The following SRC variants were observed in gnomAD, a reference collection of about 807,000 sequenced individuals.
The protein encoded by SRC is SRC proto-oncogene, non-receptor tyrosine kinase.
A neutral mutation model predicts 62.9 loss-of-function variants in SRC; 13 were observed. The ratio of observed to expected loss-of-function variants is 0.21; its 90% confidence interval spans 0.13 to 0.33. The LOEUF (loss-of-function observed/expected upper bound fraction) is 0.33. Among genes scored for constraint, SRC ranks in the 10% least tolerant of loss-of-function variants. The probability of loss-of-function intolerance (pLI) is 1.00; values close to 1 mark genes in which losing one functional copy is unlikely to be tolerated. For missense variants in SRC, 457 were observed against 737.3 expected (o/e 0.62, Z 4.40); for synonymous variants, 302 against 317.5 (o/e 0.95, Z 0.52).
At chr20:37,388,428 G>A (rs1315298622) in intron 5 of SRC, among the ~76,000 whole-genome samples, 2 of 152,188 alleles carry the variant, frequency 1.3e-5, no homozygotes, top group South Asian at 2.1e-4. Context: ...ATGTCACAAT[G>A]CTCCAATGCT....
intron 2 of SRC, among the ~76,000 whole-genome samples, chr20:37,368,559 GTT>G (rs1479508939): frequency 3.6e-5 from 2 of 56,272 alleles, no homozygotes; most frequent in Admixed American, 4.6e-4. Flanking sequence ...TTTTTTTTTT[GTT>G]TTTTTTTTTG....
rs2070384862 is a variant in SRC, at chr20:37,382,776, C to T, written c.-15C>T. The T allele has an allele frequency of 6.6e-6, 1 of 152,206 alleles. No homozygotes were observed. Among genetic ancestry groups the T allele is most frequent in the Admixed American group, 6.5e-5 (1 of 15,280 alleles). The allele number at this position is 152,206 out of a possible 1,614,324, so 9.4% of individuals were successfully genotyped here. ...CCCAGGTCCTCTGGGACAGCCCCTG[C>T]CTTCTACCAGGTGAGATGATGGCCC... On this transcript the variant is annotated 5_prime_UTR_variant, in exon 3 of 14. Coordinates refer to ENST00000373578, the MANE Select transcript of SRC (RefSeq NM_198291.3).
chr20:37,360,690 G>A (rs945538873), intron 1 of SRC, among the ~76,000 whole-genome samples: 3 of 152,194 alleles, frequency 2.0e-5, no homozygotes, highest in Non-Finnish European at 4.4e-5. Flanking sequence ...AGGATGCCTA[G>A]CATAGGCCCG....
In SRC at chr20:37,403,740, T is replaced by C; in HGVS notation, c.*361T>C. On this transcript the variant is annotated 3_prime_UTR_variant, in exon 14 of 14. Coordinates refer to ENST00000373578, the MANE Select transcript of SRC (RefSeq NM_198291.3). This position sits in a 1 kb window ranked among gnomAD's most constrained non-coding sequence, Gnocchi z 7.1. ...CCTCAGCCTACTCCGCTCACTGAACTCCTTCCCCACTTCTGTGCCACCCCC... is the reference window on the plus strand; with the variant it reads ...CCTCAGCCTACTCCGCTCACTGAACCCCTTCCCCACTTCTGTGCCACCCCC... 1 of 324,432 alleles carries C rather than the reference T, an allele frequency of 3.1e-6. No individual in the cohort carries two copies. Among genetic ancestry groups the C allele is most frequent in the Non-Finnish European group, 5.8e-6 (1 of 172,644 alleles). 20.1% of individuals were successfully genotyped at this position (324,432 alleles called of 1,614,324 possible). A position where few individuals can be genotyped will look rare whatever the true frequency, so the allele number is the denominator to read the frequency against.
At chr20:37,354,141 G>A (rs1412755304) in intron 1 of SRC, among the ~76,000 whole-genome samples, 2 of 152,218 alleles carry the variant, frequency 1.3e-5, no homozygotes, top group African/African-American at 4.8e-5. Context: ...GCATCCGCCA[G>A]GTCACAATGT....
In SRC at chr20:37,384,581, C is replaced by G. The variant is rs1210641678; in HGVS notation, c.250+178C>G. Among the ~76,000 whole-genome samples the G allele has an allele frequency of 1.3e-5, 2 of 151,916 alleles. No homozygotes were observed. The highest frequency in any genetic ancestry group is 4.9e-5 in the African/African-American group (2 of 41,198). ...GGCGGCCGTACACACTGTGAAGCGT[C>G]CGCGCCGCCGCCGCTGGCTTTGGGG... On this transcript the variant is annotated intron_variant, in intron 4 of 13. Coordinates refer to ENST00000373578, the MANE Select transcript of SRC (RefSeq NM_198291.3). The surrounding 1 kb of genome is among the most constrained non-coding windows in gnomAD (Gnocchi z 6.7).
intron 4 of SRC, 151 bp from the exon 5 acceptor site, chr20:37,385,924 C>T (rs1195165513): frequency 1.8e-5 from 12 of 684,762 alleles, no homozygotes; most frequent in Non-Finnish European, 2.9e-5. Context: ...GACACGTGCA[C>T]AGGCCCATCT....
At chr20:37,373,239 T>C (rs943198567) in intron 2 of SRC, among the ~76,000 whole-genome samples, 25 of 127,328 alleles carry the variant, frequency 2.0e-4, no homozygotes, top group East Asian at 1.3e-3. Flanking sequence ...CACATGCACA[T>C]ATGTACACAC....
chr20:37,379,942 TAAAAAA>T (rs57772720), intron 2 of SRC, among the ~76,000 whole-genome samples: 3 of 51,468 alleles, frequency 5.8e-5, no homozygotes, highest in African/African-American at 1.2e-4. Flanking sequence ...GAGCTTGGAG[TAAAAAA>T]AAAAAAAAAA....
intron 1 of SRC, among the ~76,000 whole-genome samples, chr20:37,357,145 G>T (rs576266252): frequency 6.6e-6 from 1 of 152,350 alleles, no homozygotes; most frequent in South Asian, 2.1e-4. Flanking sequence ...CCTTTGTGGA[G>T]GGCGGATGGA....
At chr20:37,387,371 C>T (rs771351918) in intron 5 of SRC, among the ~76,000 whole-genome samples, 5 of 152,192 alleles carry the variant, frequency 3.3e-5, no homozygotes, top group Non-Finnish European at 5.9e-5. Flanking sequence ...TGTATTGACT[C>T]CTCTCTGCAG....
chr20:37,403,317 G>A lies in SRC; in HGVS notation c.1549G>A (p.Ala517Thr). The A allele has an allele frequency of 6.2e-7, 1 of 1,606,598 alleles. No individual in the cohort carries two copies. The highest frequency in any genetic ancestry group is 8.5e-7 in the Non-Finnish European group (1 of 1,177,204). ...GCGGCCCACCTTCGAGTACCTGCAG[G>A]CCTTCCTGGAGGACTACTTCACGTC... The part of the protein sequence containing the change: ...EERPTFEYLQ[A>T]FLEDYFTSTE... The change falls in exon 14 of 14, where the codon GCC becomes ACC. Residue 517 changes from alanine (A) to threonine (T), a missense_variant. This residue lies in a region of SRC where 168 missense variants were observed against 357.8 expected (regional missense o/e 0.47). Transcript: ENST00000373578. The surrounding 1 kb of genome is among the most constrained non-coding windows in gnomAD (Gnocchi z 7.1).
At chr20:37,354,888 G>A (rs1381843115) in intron 1 of SRC, among the ~76,000 whole-genome samples, 1 of 152,230 alleles carries the variant, frequency 6.6e-6, no homozygotes, top group Admixed American at 6.5e-5. Context: ...CCGGGCTGTT[G>A]GGAAGGCTTG....
In SRC at chr20:37,402,985, A is replaced by G; in HGVS notation, c.1402+105A>G. 1 of 1,464,308 alleles carries G rather than the reference A, an allele frequency of 6.8e-7. No homozygotes were observed. Among genetic ancestry groups the G allele is most frequent in the Non-Finnish European group, 9.1e-7 (1 of 1,096,824 alleles). 90.7% of individuals were successfully genotyped at this position (1,464,308 alleles called of 1,614,324 possible). On this transcript the variant is annotated intron_variant, in intron 13 of 13. Transcript: ENST00000373578. This position sits in a 1 kb window ranked among gnomAD's most constrained non-coding sequence, Gnocchi z 6.2. ...GGGCCTGTTTCCCCACCCGTAAAAC[A>G]AAGAAGTTGAGCGTCTGATGTTAGG...
intron 1 of SRC, among the ~76,000 whole-genome samples, chr20:37,356,509 C>A (rs1018081771): frequency 6.6e-6 from 1 of 151,472 alleles, no homozygotes; most frequent in Non-Finnish European, 1.5e-5. Flanking sequence ...CTGGGATGGA[C>A]AGGGGAGTGG....
At chr20:37,358,260 T>C (rs2067067378) in intron 1 of SRC, among the ~76,000 whole-genome samples, 4 of 152,166 alleles carry the variant, frequency 2.6e-5, no homozygotes, top group African/African-American at 9.7e-5. Context: ...GCTGTTGTTT[T>C]TGTGGGGAGT....
chr20:37,385,183 G>A (rs1192505550), intron 4 of SRC, among the ~76,000 whole-genome samples: 1 of 111,280 alleles, frequency 9.0e-6, no homozygotes, highest in Non-Finnish European at 1.7e-5. Flanking sequence ...CACACGCTCA[G>A]CTGGAAATCA....
intron 2 of SRC, among the ~76,000 whole-genome samples, chr20:37,379,176 CA>C (rs1327774405): frequency 6.6e-6 from 1 of 152,084 alleles, no homozygotes; most frequent in Admixed American, 6.5e-5. Context: ...CTGAGGAGTC[CA>C]GAGCCCACGG....
At chr20:37,390,090 A>C (rs2070521883) in intron 5 of SRC, among the ~76,000 whole-genome samples, 1 of 152,192 alleles carries the variant, frequency 6.6e-6, no homozygotes, top group South Asian at 2.1e-4. Context: ...GATGATCATC[A>C]CAGTCGTCAT....
Sources: gnomAD v4.1 joint callset for allele counts (sites outside exome capture counted in the v4.1 genomes callset) on GRCh38, gnomAD v4.1.1 for gene constraint, gnomAD v4.1.1 regional missense constraint, Gnocchi (gnomAD v3.1) non-coding constraint, MANE v1.5 for transcripts, NCBI Gene and HGNC (gene_info 2026-07-23, HGNC 2026-07-21) for gene names.